The following AGPAT4 variants were observed in gnomAD, a reference collection of about 807,000 sequenced individuals.
AGPAT4 encodes 1-acyl-sn-glycerol-3-phosphate acyltransferase delta.
Under a neutral mutation model 48.0 loss-of-function variants are expected in AGPAT4, and 15 were observed. That is an observed-to-expected ratio of 0.31 (90% CI 0.21 to 0.48). AGPAT4 has a LOEUF of 0.48. Ranked by LOEUF, AGPAT4 falls within the 20% of genes least tolerant of loss-of-function variation. AGPAT4 has a pLI of 0.99. For synonymous variants in AGPAT4, 178 were observed against 198.7 expected (o/e 0.90, Z 0.88); for missense variants, 314 against 482.5 (o/e 0.65, Z 3.27).
At chr6:161,193,928 G>A (rs1780992745) in intron 2 of AGPAT4, among the ~76,000 whole-genome samples, 1 of 152,152 alleles carries the variant, frequency 6.6e-6, no homozygotes, top group African/African-American at 2.4e-5. Context: ...CCATATCATT[G>A]AAAATGGAAG....
chr6:161,183,195 T>A (rs972070138), intron 2 of AGPAT4, among the ~76,000 whole-genome samples: 27 of 152,138 alleles, frequency 1.8e-4, no homozygotes, highest in Admixed American at 1.6e-3. Context: ...CAGTCCCTTT[T>A]CTTATCCACC....
Position 161,130,974 on chromosome 6 carries a change from AGAAAAG to A in AGPAT4, c.*5560_*5565del, listed in dbSNP as rs1778883699. The stretch of plus-strand genomic sequence containing the variant: ...CTGGCTAAAACTAGTACTATGGAAT[AGAAAAG>A]GAAAAGTGACATTTGTGTAATTTAT... On this transcript the variant is annotated 3_prime_UTR_variant, in exon 9 of 9. Coordinates refer to ENST00000320285, the MANE Select transcript of AGPAT4 (RefSeq NM_020133.3). 2.0e-6 allele frequency: 1 copy of A among 493,384 alleles called. No homozygotes were observed. Among genetic ancestry groups the A allele is most frequent in the East Asian group, 5.6e-5 (1 of 17,984 alleles). 30.6% of individuals were successfully genotyped at this position (493,384 alleles called of 1,614,324 possible).
At chr6:161,199,789 C>T (rs570555131) in intron 2 of AGPAT4, among the ~76,000 whole-genome samples, 30 of 152,300 alleles carry the variant, frequency 2.0e-4, no homozygotes, top group East Asian at 1.2e-3. Flanking sequence ...CTACGTCTTC[C>T]GCCATGAGTG....
rs1445286705 is a variant in AGPAT4 at position 161,236,526 on chromosome 6, T to C, written c.-89-4224A>G. On this transcript the variant is annotated intron_variant, in intron 1 of 8. Coordinates refer to ENST00000320285, the MANE Select transcript of AGPAT4 (RefSeq NM_020133.3). The surrounding 1 kb of genome is among the most constrained non-coding windows in gnomAD (Gnocchi z 5.0). Reference sequence around the variant, plus strand: ...TACTGGGAATTCTCTTTCAACAGGTTCACACAAAGAAATCTGGCCACAGAG... The same window carrying C: ...TACTGGGAATTCTCTTTCAACAGGTCCACACAAAGAAATCTGGCCACAGAG... Among the ~76,000 whole-genome samples the C allele has an allele frequency of 6.6e-6, 1 of 152,080 alleles. No homozygotes were observed. Among genetic ancestry groups the C allele is most frequent in the Non-Finnish European group, 1.5e-5 (1 of 68,020 alleles).
chr6:161,137,643 A>G lies in AGPAT4; in HGVS notation c.1043-1009T>C, dbSNP rs1006565915. Among the ~76,000 whole-genome samples, 1 of 144,416 alleles carries G rather than the reference A, an allele frequency of 6.9e-6. No homozygotes were observed. Among genetic ancestry groups the G allele is most frequent in the South Asian group, 2.1e-4 (1 of 4,748 alleles). The allele number at this position is 144,416 out of a possible 152,430, so 94.7% of individuals were successfully genotyped here. A position where few individuals can be genotyped will look rare whatever the true frequency, so the allele number is the denominator to read the frequency against. On this transcript the variant is annotated intron_variant, in intron 8 of 8. Transcript: ENST00000320285. The surrounding 1 kb of genome is among the most constrained non-coding windows in gnomAD (Gnocchi z 6.1). ...GACCGTGTGGCCTTGGAAGAGGAGTAAAGAACACAAACACAAAGTCCTTCA... is the reference window on the plus strand; with the variant it reads ...GACCGTGTGGCCTTGGAAGAGGAGTGAAGAACACAAACACAAAGTCCTTCA...
chr6:161,184,943 A>G lies in AGPAT4; in HGVS notation c.179-18526T>C, dbSNP rs1012144983. ...CAGGTCAAGAGGGAGGAGTAGGTTA[A>G]ACGCCCTCACGATGAGCACCCACAC... is the stretch of plus-strand genomic sequence containing the variant. On this transcript the variant is annotated intron_variant, in intron 2 of 8. Coordinates refer to ENST00000320285, the MANE Select transcript of AGPAT4 (RefSeq NM_020133.3). This position sits in a 1 kb window ranked among gnomAD's most constrained non-coding sequence, Gnocchi z 4.8. Among the ~76,000 whole-genome samples, 1 of 152,100 alleles carries G rather than the reference A, an allele frequency of 6.6e-6. No individual in the cohort carries two copies. The highest frequency in any genetic ancestry group is 1.5e-5 in the Non-Finnish European group (1 of 68,028).
intron 3 of AGPAT4, chr6:161,160,786 T>G: frequency 2.9e-6 from 1 of 347,474 alleles, no homozygotes. Flanking sequence ...CCTTCCCAGT[T>G]TCTCTTCTGA....
chr6:161,246,609 A>G lies in AGPAT4; in HGVS notation c.-89-14307T>C, dbSNP rs889734556. ...TTTTTAGTCTAGATGGGGTTTCTCC[A>G]TGTTGGTCAGGCTGGTCTCGAACTC... On this transcript the variant is annotated intron_variant, in intron 1 of 8. Coordinates refer to ENST00000320285, the MANE Select transcript of AGPAT4 (RefSeq NM_020133.3). The surrounding 1 kb of genome is among the most constrained non-coding windows in gnomAD (Gnocchi z 5.5). Among the ~76,000 whole-genome samples, 1 of 152,102 alleles carries G rather than the reference A, an allele frequency of 6.6e-6. No individual in the cohort carries two copies. Among genetic ancestry groups the G allele is most frequent in the Non-Finnish European group, 1.5e-5 (1 of 68,012 alleles).
In AGPAT4 at chr6:161,166,509, G is replaced by A. The variant is rs1583296509; in HGVS notation, c.179-92C>T. 2.1e-6 allele frequency: 3 copies of A among 1,454,970 alleles called. No individual in the cohort carries two copies. The highest frequency in any genetic ancestry group is 2.8e-5 in the South Asian group (2 of 72,380). 90.1% of individuals were successfully genotyped at this position (1,454,970 alleles called of 1,614,324 possible). On this transcript the variant is annotated intron_variant, in intron 2 of 8. Transcript: ENST00000320285. This position sits in a 1 kb window ranked among gnomAD's most constrained non-coding sequence, Gnocchi z 6.7. ...CAGGGCTCTGCCCTCCCAGCTAGGG[G>A]AGAAAGCAACTTCTACGGGCAAAGT... is the stretch of plus-strand genomic sequence containing the variant.
At position 161,155,544 on chromosome 6, in the gene AGPAT4, A is replaced by AT. The variant is rs1779745959; in HGVS notation, c.349-1235dup. 6.6e-6 allele frequency among the ~76,000 whole-genome samples: 1 copy of AT among 152,314 alleles called. No individual in the cohort carries two copies. The highest frequency in any genetic ancestry group is 6.5e-5 in the Admixed American group (1 of 15,306). On this transcript the variant is annotated intron_variant, in intron 3 of 8. Coordinates refer to ENST00000320285, the MANE Select transcript of AGPAT4 (RefSeq NM_020133.3). This position sits in a 1 kb window ranked among gnomAD's most constrained non-coding sequence, Gnocchi z 5.8. ...GAACAGAAAAAGGTCTAAACAGCCA[A>AT]TTGCTACCCTACTTTAAAAAAACAA...
chr6:161,192,448 G>A (rs560014363), intron 2 of AGPAT4, among the ~76,000 whole-genome samples: 1 of 152,262 alleles, frequency 6.6e-6, no homozygotes, highest in African/African-American at 2.4e-5. Flanking sequence ...ACTGCACCTG[G>A]CTGGAAGTCA....
chr6:161,233,344 G>A lies in AGPAT4; in HGVS notation c.-89-1042C>T, dbSNP rs1262120006. Among the ~76,000 whole-genome samples the A allele has an allele frequency of 6.6e-6, 1 of 152,160 alleles. No homozygotes were observed. Among genetic ancestry groups the A allele is most frequent in the African/African-American group, 2.4e-5 (1 of 41,442 alleles). On this transcript the variant is annotated intron_variant, in intron 1 of 8. Transcript: ENST00000320285. The surrounding 1 kb of genome is among the most constrained non-coding windows in gnomAD (Gnocchi z 5.4). ...GATGAAAAGGAAAGCTGTGAGCAGC[G>A]GACTCGCTTTTCCTGGAAGCAGAAG...
Position 161,255,849 on chromosome 6 carries a change from C to T in AGPAT4, c.-90+18089G>A, listed in dbSNP as rs989646693. Among the ~76,000 whole-genome samples, 4 of 152,032 alleles carry T rather than the reference C, an allele frequency of 2.6e-5. No homozygotes were observed. The highest frequency in any genetic ancestry group is 4.4e-5 in the Non-Finnish European group (3 of 68,026). ...AAAAAGCCATTGCACTGCACACTTG[C>T]AATGGGTGAATTTTATGGTATATAA... On this transcript the variant is annotated intron_variant, in intron 1 of 8. Coordinates refer to ENST00000320285, the MANE Select transcript of AGPAT4 (RefSeq NM_020133.3). This position sits in a 1 kb window ranked among gnomAD's most constrained non-coding sequence, Gnocchi z 4.7.
At chr6:161,205,833 C>A (rs1009651231) in intron 2 of AGPAT4, among the ~76,000 whole-genome samples, 6 of 150,808 alleles carry the variant, frequency 4.0e-5, no homozygotes, top group Non-Finnish European at 8.9e-5. Flanking sequence ...TCTTTTAAAA[C>A]AGGAAATTAA....
In AGPAT4 at chr6:161,238,164, G is replaced by A. The variant is rs761662713; in HGVS notation, c.-89-5862C>T. 7.9e-5 allele frequency among the ~76,000 whole-genome samples: 12 copies of A among 152,120 alleles called. No individual in the cohort carries two copies. Among genetic ancestry groups the A allele is most frequent in the Admixed American group, 1.3e-4 (2 of 15,272 alleles). On this transcript the variant is annotated intron_variant, in intron 1 of 8. Coordinates refer to ENST00000320285, the MANE Select transcript of AGPAT4 (RefSeq NM_020133.3). This position sits in a 1 kb window ranked among gnomAD's most constrained non-coding sequence, Gnocchi z 5.2. ...AGGGCACTGAGAGTCAGGCAGTCTG[G>A]CTACAAATCCAGGCCTGGCCACTTT...
chr6:161,153,367 C>T lies in AGPAT4; in HGVS notation c.643G>A (p.Val215Met), dbSNP rs746140151. The T allele has an allele frequency of 6.2e-6, 10 of 1,609,426 alleles. No individual in the cohort carries two copies. The highest frequency in any genetic ancestry group is 8.5e-6 in the Non-Finnish European group (10 of 1,177,834). The change falls in exon 5 of 9, where the codon GTG (valine) becomes ATG (methionine). Residue 215 changes from valine to methionine, a missense_variant. Coordinates refer to ENST00000320285, the MANE Select transcript of AGPAT4 (RefSeq NM_020133.3). ...TTACCTACATTTCTCAAGCTCCTCA[C>T]GGTGATGGCGAAGCCCTTGGTTCGT... Reference protein sequence around the residue: ...LPRTKGFAITVRSLRNVVSAV... With the variant: ...LPRTKGFAITMRSLRNVVSAV...
At chr6:161,258,785 C>T (rs1449306300) in intron 1 of AGPAT4, among the ~76,000 whole-genome samples, 1 of 149,758 alleles carries the variant, frequency 6.7e-6, no homozygotes, top group African/African-American at 2.5e-5. Flanking sequence ...GACTATTTTA[C>T]CACAAGCATT....
rs767221225 is a variant in AGPAT4 at position 161,136,372 on chromosome 6, C to T, written c.*168G>A. ...TGGGGAAAAAAAGATTACAAAACAT[C>T]TTCCTCCCCATCCGGCCTTGAGACC... is the stretch of plus-strand genomic sequence containing the variant. On this transcript the variant is annotated 3_prime_UTR_variant, in exon 9 of 9. Transcript: ENST00000320285. 1.1e-5 allele frequency: 7 copies of T among 612,616 alleles called. No homozygotes were observed. Among genetic ancestry groups the T allele is most frequent in the Non-Finnish European group, 1.4e-5 (5 of 345,944 alleles). 37.9% of individuals were successfully genotyped at this position (612,616 alleles called of 1,614,324 possible). A position where few individuals can be genotyped will look rare whatever the true frequency, so the allele number is the denominator to read the frequency against.
chr6:161,273,284 A>T (rs1783481583), intron 1 of AGPAT4, among the ~76,000 whole-genome samples: 1 of 152,186 alleles, frequency 6.6e-6, no homozygotes, highest in South Asian at 2.1e-4. Flanking sequence ...AGAGGTAATT[A>T]CCAATGCCTG....
Sources: allele counts gnomAD v4.1 joint callset (sites outside exome capture counted in the v4.1 genomes callset), GRCh38; gene constraint gnomAD v4.1.1; non-coding constraint Gnocchi (gnomAD v3.1); transcripts MANE v1.5; gene names NCBI Gene and HGNC (gene_info 2026-07-23, HGNC 2026-07-21).